Variants in LOC128462377 observed in about 807,000 individuals in gnomAD.
the LOC128462377 span, among the ~76,000 whole-genome samples, chr16:89,415,901 T>C: frequency 1.4e-5 from 2 of 143,704 alleles, no homozygotes; most frequent in Admixed American, 7.1e-5. Context: ...CACATGCCCA[T>C]GTGGGTCACG....
the LOC128462377 span, among the ~76,000 whole-genome samples, chr16:89,350,075 A>G: frequency 7.9e-5 from 12 of 152,138 alleles, no homozygotes; most frequent in African/African-American, 2.9e-4. Flanking sequence ...CCTTCCCCCC[A>G]CCAAAAAAGC....
the LOC128462377 span, among the ~76,000 whole-genome samples, chr16:89,407,131 A>C: frequency 6.6e-6 from 1 of 151,946 alleles, no homozygotes; most frequent in African/African-American, 2.4e-5. Context: ...GGAGGCGGTG[A>C]GTTGAGACGT....
the LOC128462377 span, among the ~76,000 whole-genome samples, chr16:89,354,256 A>G: frequency 1.3e-5 from 2 of 151,966 alleles, no homozygotes; most frequent in East Asian, 1.9e-4. Flanking sequence ...AAAAAAAAAA[A>G]AAAAGAAAAC....
At chr16:89,317,130 C>A in the LOC128462377 span, 22 of 1,171,350 alleles carry the variant, frequency 1.9e-5, no homozygotes, top group Non-Finnish European at 2.7e-5. Flanking sequence ...GCTCAAAACT[C>A]ATCCACTCTC....
the LOC128462377 span, among the ~76,000 whole-genome samples, chr16:89,379,085 G>A: frequency 0.021 from 3,177 of 152,308 alleles, 126 homozygotes; most frequent in African/African-American, 0.073. Context: ...TGCCCAGAAC[G>A]TCGGCAGTGC....
the LOC128462377 span, among the ~76,000 whole-genome samples, chr16:89,317,759 TTTTTATTTATTAATCATG>T: frequency 1.3e-5 from 2 of 152,208 alleles, 1 homozygote; most frequent in Non-Finnish European, 2.9e-5. Flanking sequence ...TTGTATATTA[TTTTTATTTATTAATCATG>T]TTTTATTTTA....
the LOC128462377 span, among the ~76,000 whole-genome samples, chr16:89,411,691 G>A: frequency 1.8e-4 from 28 of 152,196 alleles, no homozygotes; most frequent in Admixed American, 6.5e-5. Context: ...TGGGATTACG[G>A]CCAGTTTACA....
chr16:89,319,379 G>T, the LOC128462377 span, among the ~76,000 whole-genome samples: 1 of 152,262 alleles, frequency 6.6e-6, no homozygotes, highest in African/African-American at 2.4e-5. Context: ...GGTGGAGGAA[G>T]TGGGTCGCAC....
At chr16:89,332,629 C>T in the LOC128462377 span, among the ~76,000 whole-genome samples, 1 of 152,258 alleles carries the variant, frequency 6.6e-6, no homozygotes, top group Non-Finnish European at 1.5e-5. Flanking sequence ...GTTATCATCA[C>T]TGTAATGGCT....
the LOC128462377 span, among the ~76,000 whole-genome samples, chr16:89,387,093 A>G: frequency 6.6e-6 from 1 of 152,122 alleles, no homozygotes; most frequent in Non-Finnish European, 1.5e-5. Context: ...AGTGACATGG[A>G]GGAGGTGTCT....
the LOC128462377 span, among the ~76,000 whole-genome samples, chr16:89,384,846 T>C: frequency 6.8e-6 from 1 of 146,352 alleles, no homozygotes; most frequent in African/African-American, 2.5e-5. Context: ...TGTAAGAACA[T>C]GTGTGTGGGA....
the LOC128462377 span, among the ~76,000 whole-genome samples, chr16:89,393,863 C>T: frequency 6.6e-6 from 1 of 152,154 alleles, no homozygotes. Context: ...AATAATCATG[C>T]TGATCTGCAT....
chr16:89,394,019 T>C, the LOC128462377 span, among the ~76,000 whole-genome samples: 2 of 152,188 alleles, frequency 1.3e-5, no homozygotes, highest in Non-Finnish European at 2.9e-5. Flanking sequence ...ACCCCAGTGT[T>C]TGCTGACTGC....
the LOC128462377 span, among the ~76,000 whole-genome samples, chr16:89,387,393 C>T: frequency 6.6e-6 from 1 of 152,102 alleles, no homozygotes; most frequent in East Asian, 1.9e-4. Context: ...TGTGCTTGGG[C>T]CGGGCGCGGT....
the LOC128462377 span, among the ~76,000 whole-genome samples, chr16:89,318,257 C>A: frequency 5.3e-5 from 8 of 152,230 alleles, no homozygotes. Context: ...CTCCTCCCTG[C>A]CTGTGGGCCT....
the LOC128462377 span, among the ~76,000 whole-genome samples, chr16:89,410,021 A>T: frequency 5.3e-5 from 8 of 152,162 alleles, no homozygotes; most frequent in African/African-American, 1.9e-4. Context: ...TTGTATTTTT[A>T]GTAGAGACGG....
chr16:89,373,603 T>C, the LOC128462377 span: 1 of 152,284 alleles, frequency 6.6e-6, no homozygotes, highest in East Asian at 1.9e-4. Context: ...GGCATGTGAC[T>C]GAGGCTGACG....
the LOC128462377 span, among the ~76,000 whole-genome samples, chr16:89,412,731 C>T: frequency 4.6e-5 from 7 of 152,172 alleles, no homozygotes; most frequent in South Asian, 8.3e-4. Flanking sequence ...CTTAAGCCAG[C>T]TGTAAAAAAT....
chr16:89,368,551 C>A, the LOC128462377 span, among the ~76,000 whole-genome samples: 1 of 150,446 alleles, frequency 6.6e-6, no homozygotes, highest in Admixed American at 6.6e-5. Flanking sequence ...TTTTCTCTTG[C>A]TCTCAATTTA....
Sources: allele counts gnomAD v4.1 joint callset (sites outside exome capture counted in the v4.1 genomes callset), GRCh38; gene constraint gnomAD v4.1.1; transcripts MANE v1.5.